The following SLC7A6 variants were observed in gnomAD, a reference collection of about 807,000 sequenced individuals.
The protein encoded by SLC7A6 is solute carrier family 7 member 6.
Under a neutral mutation model 46.6 loss-of-function variants are expected in SLC7A6, and 29 were observed. The observed-to-expected ratio is 0.62, with a 90% CI of 0.46 to 0.85. The LOEUF (loss-of-function observed/expected upper bound fraction) is 0.85. Ranked by LOEUF, SLC7A6 falls within the 40% of genes least tolerant of loss-of-function variation. SLC7A6 has a pLI of 0.00. For synonymous variants in SLC7A6, 276 were observed against 257.3 expected, an observed-to-expected ratio of 1.07 and a Z score of -0.70; for missense variants, 527 against 647.6, an observed-to-expected ratio of 0.81 and a Z score of 2.02.
At chr16:68,291,914 T>C (rs1472474730) in intron 7 of SLC7A6, 1 of 460,242 alleles carries the variant, frequency 2.2e-6, no homozygotes, top group African/African-American at 2.0e-5. Context: ...TGTTATGTGT[T>C]GATAGCTCAT....
intron 4 of SLC7A6, among the ~76,000 whole-genome samples, chr16:68,289,552 G>A (rs1476841536): frequency 6.6e-6 from 1 of 152,168 alleles, no homozygotes; most frequent in East Asian, 1.9e-4. Flanking sequence ...TGCATAGCCA[G>A]CTCTTTTTAC....
chr16:68,270,659 C>T (rs1221098651), intron 2 of SLC7A6, among the ~76,000 whole-genome samples: 1 of 152,152 alleles, frequency 6.6e-6, no homozygotes, highest in Non-Finnish European at 1.5e-5. Flanking sequence ...ATCTTTCTCC[C>T]ACTGCCACAG....
chr16:68,289,370 T>TA (rs1431869435), intron 4 of SLC7A6, among the ~76,000 whole-genome samples: 2 of 152,222 alleles, frequency 1.3e-5, no homozygotes, highest in African/African-American at 4.8e-5. Flanking sequence ...TGTGTACTTA[T>TA]ATCAAGTTAG....
chr16:68,278,333 CTTGGGTGTTTCTCGCAGAGGGGGAT>C (rs2042757016), intron 3 of SLC7A6, among the ~76,000 whole-genome samples: 1 of 145,424 alleles, frequency 6.9e-6, no homozygotes, highest in South Asian at 2.1e-4. Context: ...ATTGATCATT[CTTGGGTGTTTCTCGCAGAGGGGGAT>C]TTGGCAGGGT....
rs537323105 is a variant in SLC7A6 at position 68,272,628 on chromosome 16, G to A, written c.-36-2063G>A. Among the ~76,000 whole-genome samples, 14 of 152,252 alleles carry A rather than the reference G, an allele frequency of 9.2e-5. No individual in the cohort carries two copies. The East Asian group carries it at 2.7e-3, about 29-fold the overall frequency. On this transcript the variant is annotated intron_variant, in intron 2 of 10. Coordinates refer to ENST00000219343, the MANE Select transcript of SLC7A6 (RefSeq NM_003983.6). Reference sequence around the variant, plus strand: ...GACTGTGCCCCACCTCTCTAAATAAGGCCACTGGGTAGTTTCGCCAGTGTA... The same window carrying A: ...GACTGTGCCCCACCTCTCTAAATAAAGCCACTGGGTAGTTTCGCCAGTGTA...
intron 3 of SLC7A6, among the ~76,000 whole-genome samples, chr16:68,286,286 G>A (rs2042931359): frequency 6.6e-6 from 1 of 152,046 alleles, no homozygotes; most frequent in Non-Finnish European, 1.5e-5. Flanking sequence ...TGGTTCAGGA[G>A]AGAAAGAGCT....
chr16:68,293,446 C>T (rs2043098153), intron 7 of SLC7A6, among the ~76,000 whole-genome samples: 1 of 152,108 alleles, frequency 6.6e-6, no homozygotes, highest in Non-Finnish European at 1.5e-5. Flanking sequence ...AGTAGTGTCA[C>T]CTTCCCTCTG....
intron 8 of SLC7A6, among the ~76,000 whole-genome samples, chr16:68,296,082 G>A (rs917159156): frequency 4.6e-5 from 7 of 152,144 alleles, no homozygotes; most frequent in African/African-American, 1.7e-4. Flanking sequence ...CTGAAGTGAG[G>A]AGGGCCTCAG....
chr16:68,279,343 A>G (rs186837142), intron 3 of SLC7A6, among the ~76,000 whole-genome samples: 2 of 152,280 alleles, frequency 1.3e-5, no homozygotes, highest in East Asian at 1.9e-4. Flanking sequence ...CTTTGTCTCA[A>G]AAAAAATTTC....
chr16:68,270,853 T>C (rs1307319344), intron 2 of SLC7A6, among the ~76,000 whole-genome samples: 1 of 131,814 alleles, frequency 7.6e-6, no homozygotes, highest in African/African-American at 2.9e-5. Context: ...CTTTCCATTT[T>C]ATATTGGATT....
chr16:68,289,011 C>T lies in SLC7A6; in HGVS notation c.649+1140C>T, dbSNP rs189948302. 1.5e-4 allele frequency among the ~76,000 whole-genome samples: 22 copies of T among 150,422 alleles called. No homozygotes were observed. In the East Asian group the frequency reaches 2.4e-3, roughly 16 times the overall value. ...AGAATTGCCCTTGTTGGGCTGGGCGCGGTGGCTCATGCCTGTAATCTCAGC... is the reference window on the plus strand; with the variant it reads ...AGAATTGCCCTTGTTGGGCTGGGCGTGGTGGCTCATGCCTGTAATCTCAGC... On this transcript the variant is annotated intron_variant, in intron 4 of 10. Transcript: ENST00000219343.
At chr16:68,287,074 C>T (rs1001426851) in intron 3 of SLC7A6, among the ~76,000 whole-genome samples, 5 of 151,128 alleles carry the variant, frequency 3.3e-5, no homozygotes, top group African/African-American at 1.2e-4. Context: ...ACCTCCTAGG[C>T]TCAAGCGACC....
chr16:68,290,657 C>A, intron 5 of SLC7A6, 117 bp downstream of exon 5: 1 of 1,217,964 alleles, frequency 8.2e-7, no homozygotes, highest in Non-Finnish European at 1.2e-6. Flanking sequence ...CTTCTCCCTA[C>A]TCCCCCTTCT....
intron 4 of SLC7A6, among the ~76,000 whole-genome samples, chr16:68,289,553 C>T (rs1429247160): frequency 6.6e-6 from 1 of 152,178 alleles, no homozygotes; most frequent in African/African-American, 2.4e-5. Context: ...GCATAGCCAG[C>T]TCTTTTTACC....
chr16:68,281,022 G>A (rs1457340239), intron 3 of SLC7A6, among the ~76,000 whole-genome samples: 2 of 152,226 alleles, frequency 1.3e-5, no homozygotes, highest in East Asian at 1.9e-4. Flanking sequence ...CGTGACCCAC[G>A]GCGCCCAGCC....
Position 68,299,059 on chromosome 16 carries a change from G to C in SLC7A6, c.*1731G>C, listed in dbSNP as rs1203323186. ...GAGCATAATGCATATGTGAAGCATG[G>C]GGTGACATTCCTACTGTCATGGGTT... On this transcript the variant is annotated 3_prime_UTR_variant, in exon 11 of 11. Transcript: ENST00000219343. 6.6e-6 allele frequency: 1 copy of C among 152,610 alleles called. No homozygotes were observed. The highest frequency in any genetic ancestry group is 2.4e-5 in the African/African-American group (1 of 41,434). 9.5% of individuals were successfully genotyped at this position (152,610 alleles called of 1,614,324 possible). A position where few individuals can be genotyped will look rare whatever the true frequency, so the allele number is the denominator to read the frequency against.
At position 68,290,466 on chromosome 16, in the gene SLC7A6, C is replaced by G. The variant is rs199586257; in HGVS notation, c.720C>G (p.Leu240=). 51 of 1,614,050 alleles carry G rather than the reference C, an allele frequency of 3.2e-5. No homozygotes were observed. The highest frequency in any genetic ancestry group is 9.3e-6 in the Non-Finnish European group (11 of 1,180,036). The change falls in exon 5 of 11, where the codon CTC becomes CTG. Residue 240 remains leucine, a synonymous_variant. Coordinates refer to ENST00000219343, the MANE Select transcript of SLC7A6 (RefSeq NM_003983.6). The part of the protein sequence containing the change: ...SWDMGNLSLA[L]YSALFSYSGW... The stretch of plus-strand genomic sequence containing the variant: ...ACATGGGAAACCTCTCTCTTGCCCT[C>G]TACTCTGCCCTCTTCTCTTACTCAG...
intron 2 of SLC7A6, among the ~76,000 whole-genome samples, chr16:68,271,862 C>T (rs531501371): frequency 2.2e-4 from 34 of 151,696 alleles, no homozygotes; most frequent in Admixed American, 6.6e-4. Flanking sequence ...AGTGCAGTGG[C>T]GCTATCTTGG....
In SLC7A6 at chr16:68,274,929, A is replaced by C; in HGVS notation, c.203A>C (p.Lys68Thr). ...MIGSGIFVSP[K>T]GVLVHTASYG... Reference sequence around the variant, plus strand: ...GGCTCAGGGATCTTTGTCTCACCCAAGGGTGTGCTGGTACACACTGCCTCC... The same window carrying C: ...GGCTCAGGGATCTTTGTCTCACCCACGGGTGTGCTGGTACACACTGCCTCC... The change falls in exon 3 of 11, where the codon AAG becomes ACG. Residue 68 changes from lysine to threonine, a missense_variant. Coordinates refer to ENST00000219343, the MANE Select transcript of SLC7A6 (RefSeq NM_003983.6). 1 of 1,614,198 alleles carries C rather than the reference A, an allele frequency of 6.2e-7. No individual in the cohort carries two copies. The highest frequency in any genetic ancestry group is 8.5e-7 in the Non-Finnish European group (1 of 1,180,040).
Sources: gnomAD v4.1 joint callset for allele counts (sites outside exome capture counted in the v4.1 genomes callset) on GRCh38, gnomAD v4.1.1 for gene constraint, MANE v1.5 for transcripts, NCBI Gene and HGNC (gene_info 2026-07-23, HGNC 2026-07-21) for gene names.